The following YEATS4 variants were observed in gnomAD, a reference collection of about 807,000 sequenced individuals.
The protein encoded by YEATS4 is YEATS domain-containing protein 4.
In YEATS4, 17 loss-of-function variants were observed where a neutral mutation model predicts 30.1. That is an observed-to-expected ratio of 0.56 (90% CI 0.39 to 0.85). YEATS4 has a LOEUF of 0.85. Ranked by LOEUF, YEATS4 falls within the 40% of genes least tolerant of loss-of-function variation. The pLI is 0.00. For missense variants in YEATS4, 142 were observed against 268.3 expected (o/e 0.53, Z 3.29); for synonymous variants, 85 against 87.5 (o/e 0.97, Z 0.16).
intron 4 of YEATS4, among the ~76,000 whole-genome samples, chr12:69,367,563 G>A (rs1875485826): frequency 6.6e-6 from 1 of 151,994 alleles, no homozygotes; most frequent in Admixed American, 6.6e-5. Flanking sequence ...ATAGGGGCTC[G>A]CCATGTTGCC....
At chr12:69,371,939 A>T (rs1177336604) in intron 6 of YEATS4, among the ~76,000 whole-genome samples, 1 of 152,186 alleles carries the variant, frequency 6.6e-6, no homozygotes, top group Non-Finnish European at 1.5e-5. Context: ...AGGGAAGGAT[A>T]TTATATGTAG....
chr12:69,370,711 C>G lies in YEATS4; in HGVS notation c.339C>G (p.Thr113=), dbSNP rs769797404. ...FFIDPNERPV[T]LYHLLKLFQS... ...CATCTGTTTCTATTTCACAGGTAAC[C>G]CTGTATCATTTGCTAAAGCTGTTTC... The change falls in exon 5 of 7, where the codon ACC becomes ACG. Residue 113 remains threonine (T), a synonymous_variant. Coordinates refer to ENST00000247843, the MANE Select transcript of YEATS4 (RefSeq NM_006530.4). 1 of 1,564,952 alleles carries G rather than the reference C, an allele frequency of 6.4e-7. No individual in the cohort carries two copies. Among genetic ancestry groups the G allele is most frequent in the East Asian group, 2.2e-5 (1 of 44,544 alleles).
the YEATS4 span, among the ~76,000 whole-genome samples, chr12:69,425,954 C>T: frequency 6.6e-6 from 1 of 152,146 alleles, no homozygotes; most frequent in African/African-American, 2.4e-5. Context: ...CCTTCTAATA[C>T]AATATTAGGC....
chr12:69,386,761 T>G (rs1053685031), intron 6 of YEATS4, among the ~76,000 whole-genome samples: 1 of 152,178 alleles, frequency 6.6e-6, no homozygotes, highest in African/African-American at 2.4e-5. Context: ...GACTAGTTTC[T>G]TAACATACAG....
At chr12:69,401,046 C>T in the YEATS4 span, 5 of 151,978 alleles carry the variant, frequency 3.3e-5, no homozygotes, top group Admixed American at 1.3e-4. Flanking sequence ...TGGTGACCTC[C>T]GGGAGCAGGG....
the YEATS4 span, among the ~76,000 whole-genome samples, chr12:69,423,316 G>A: frequency 6.6e-6 from 1 of 152,158 alleles, no homozygotes; most frequent in African/African-American, 2.4e-5. Flanking sequence ...GTCAAGTAAA[G>A]GAGATAGATG....
intron 6 of YEATS4, among the ~76,000 whole-genome samples, chr12:69,386,657 G>T (rs1868254167): frequency 6.6e-6 from 1 of 152,100 alleles, no homozygotes; most frequent in Non-Finnish European, 1.5e-5. Context: ...GGGAGAGAGG[G>T]TATAGGGGAA....
chr12:69,374,121 A>T (rs1875750324), intron 6 of YEATS4, among the ~76,000 whole-genome samples: 1 of 145,142 alleles, frequency 6.9e-6, no homozygotes, highest in African/African-American at 2.5e-5. Context: ...TTGTGGTTCC[A>T]CATAAAATTT....
the YEATS4 span, among the ~76,000 whole-genome samples, chr12:69,402,822 C>A: frequency 6.8e-6 from 1 of 148,024 alleles, no homozygotes; most frequent in African/African-American, 2.5e-5. Context: ...ATCTCCTGGG[C>A]TCATGCAATT....
At chr12:69,405,973 C>CATCATTTAA in the YEATS4 span, among the ~76,000 whole-genome samples, 5 of 152,152 alleles carry the variant, frequency 3.3e-5, no homozygotes, top group Non-Finnish European at 7.3e-5. Context: ...TAAGCACATA[C>CATCATTTAA]AACTCTACAT....
the YEATS4 span, among the ~76,000 whole-genome samples, chr12:69,421,521 A>C: frequency 1.3e-5 from 2 of 152,200 alleles, no homozygotes; most frequent in Admixed American, 6.5e-5. Context: ...CATAAGGTCT[A>C]AGGAAGCCAA....
chr12:69,370,672 T>C (rs980299614), intron 4 of YEATS4, 34 bp from the exon 5 acceptor site: 4 of 1,485,540 alleles, frequency 2.7e-6, no homozygotes, highest in Non-Finnish European at 3.6e-6. Flanking sequence ...ATAAAAACCA[T>C]TGCACAGATT....
the YEATS4 span, among the ~76,000 whole-genome samples, chr12:69,405,672 C>T: frequency 3.9e-5 from 6 of 152,284 alleles, no homozygotes; most frequent in South Asian, 6.2e-4. Flanking sequence ...ATGCAGACAG[C>T]GTGGATCTGC....
At chr12:69,362,193 T>G (rs2081207542) in intron 1 of YEATS4, among the ~76,000 whole-genome samples, 1 of 152,000 alleles carries the variant, frequency 6.6e-6, no homozygotes, top group South Asian at 2.1e-4. Flanking sequence ...AATTTTTGTA[T>G]TTTTAGTAGA....
intron 2 of YEATS4, among the ~76,000 whole-genome samples, chr12:69,363,148 A>G (rs1248207697): frequency 6.6e-6 from 1 of 150,900 alleles, no homozygotes. Flanking sequence ...GCCCGCCACC[A>G]CGCCCGGCTA....
At chr12:69,426,942 C>T in the YEATS4 span, among the ~76,000 whole-genome samples, 1 of 152,130 alleles carries the variant, frequency 6.6e-6, no homozygotes, top group Non-Finnish European at 1.5e-5. Flanking sequence ...TTTCTCAACA[C>T]ATCAAGCATG....
the YEATS4 span, among the ~76,000 whole-genome samples, chr12:69,418,137 G>A: frequency 6.6e-6 from 1 of 152,176 alleles, no homozygotes; most frequent in Admixed American, 6.6e-5. Flanking sequence ...AGCCTTGGCA[G>A]GTGATAATGC....
At chr12:69,424,467 T>C in the YEATS4 span, among the ~76,000 whole-genome samples, 2 of 152,250 alleles carry the variant, frequency 1.3e-5, no homozygotes, top group East Asian at 3.8e-4. Flanking sequence ...TCTTTGTTGC[T>C]TTCCTTGTTC....
the YEATS4 span, among the ~76,000 whole-genome samples, chr12:69,417,858 A>T: frequency 3.0e-5 from 4 of 135,334 alleles, no homozygotes; most frequent in South Asian, 2.2e-4. Context: ...ACAATAGGGA[A>T]AAAAAAAAAA....
Sources: allele counts gnomAD v4.1 joint callset (sites outside exome capture counted in the v4.1 genomes callset), GRCh38; gene constraint gnomAD v4.1.1; transcripts MANE v1.5; gene names NCBI Gene and HGNC (gene_info 2026-07-23, HGNC 2026-07-21).